The following FAM177A1 variants were observed in gnomAD, a reference collection of about 807,000 sequenced individuals.
The protein encoded by FAM177A1 is protein FAM177A1.
In FAM177A1, 22 loss-of-function variants were observed where a neutral mutation model predicts 26.1. The observed-to-expected ratio is 0.84, with a 90% CI of 0.60 to 1.20. The LOEUF (loss-of-function observed/expected upper bound fraction) is 1.20. FAM177A1 is among the 50% of genes most tolerant of loss of function. FAM177A1 has a pLI of 0.00. For missense variants in FAM177A1, 296 were observed against 291.1 expected, an observed-to-expected ratio of 1.02 and a Z score of -0.12; for synonymous variants, 95 against 99.3, an observed-to-expected ratio of 0.96 and a Z score of 0.26.
chr14:35,079,097 A>G (rs2045440907), intron 4 of FAM177A1, 73 bp downstream of exon 4: 3 of 1,131,772 alleles, frequency 2.7e-6, no homozygotes, highest in Admixed American at 5.8e-5. Context: ...TAATGAGCCT[A>G]TGTATTTTCT....
At chr14:35,078,344 T>A (rs2045428311) in intron 3 of FAM177A1, among the ~76,000 whole-genome samples, 1 of 152,124 alleles carries the variant, frequency 6.6e-6, no homozygotes, top group South Asian at 2.1e-4. Context: ...ATATCCCAGC[T>A]TTCTGAGTAT....
At position 35,081,459 on chromosome 14, in the gene FAM177A1, TA is replaced by T. The variant is rs1053183416; in HGVS notation, c.*235del. On this transcript the variant is annotated 3_prime_UTR_variant, in exon 5 of 5. Coordinates refer to ENST00000280987, the MANE Select transcript of FAM177A1 (RefSeq NM_173607.5). ...TGTATAGAAATTAGTGCTTTGGTTT[TA>T]AAATGATCTTTTAAAAAAGTTAAGG... is the stretch of plus-strand genomic sequence containing the variant. The T allele has an allele frequency of 8.7e-6, 3 of 344,480 alleles. No individual in the cohort carries two copies. Among genetic ancestry groups the T allele is most frequent in the African/African-American group, 6.4e-5 (3 of 46,838 alleles). The allele number at this position is 344,480 out of a possible 1,614,324, so 21.3% of individuals were successfully genotyped here.
intron 2 of FAM177A1, among the ~76,000 whole-genome samples, chr14:35,064,153 C>T (rs2045203866): frequency 6.7e-6 from 1 of 150,174 alleles, no homozygotes; most frequent in Non-Finnish European, 1.5e-5. Context: ...TTTGGGAGGC[C>T]AAGGTGGGCA....
At chr14:35,049,194 C>T (rs1422916392) in intron 1 of FAM177A1, among the ~76,000 whole-genome samples, 2 of 152,082 alleles carry the variant, frequency 1.3e-5, no homozygotes, top group Admixed American at 1.3e-4. Flanking sequence ...ACCCGGCCTC[C>T]TGTTGTGACA....
intron 2 of FAM177A1, among the ~76,000 whole-genome samples, chr14:35,061,068 G>A (rs539253832): frequency 1.3e-4 from 17 of 135,108 alleles, no homozygotes; most frequent in African/African-American, 4.9e-4. Context: ...TCATAGGCAT[G>A]TGTATATAGG....
rs2045478171 is a variant in FAM177A1 at position 35,081,183 on chromosome 14, A to G, written c.666A>G (p.Glu222=). ...NVNFEMEGDS[E]VIMESKQNPV... is the part of the protein sequence containing the mutation. ...ATTTTGAAATGGAGGGAGACAGTGA[A>G]GTAATTATGGAAAGCAAGCAAAATC... The change falls in exon 5 of 5, where the codon GAA becomes GAG. Residue 222 remains glutamate, a synonymous_variant. Transcript: ENST00000280987. 6.2e-7 allele frequency: 1 copy of G among 1,613,554 alleles called. No individual in the cohort carries two copies. Among genetic ancestry groups the G allele is most frequent in the Admixed American group, 1.7e-5 (1 of 59,952 alleles).
At chr14:35,067,028 G>A (rs1595049933) in intron 2 of FAM177A1, among the ~76,000 whole-genome samples, 1 of 152,266 alleles carries the variant, frequency 6.6e-6, no homozygotes, top group African/African-American at 2.4e-5. Context: ...CCAACCTCAG[G>A]TGATCTGCCC....
chr14:35,071,720 C>T (rs900247265), intron 2 of FAM177A1, among the ~76,000 whole-genome samples: 5 of 152,094 alleles, frequency 3.3e-5, no homozygotes, highest in Non-Finnish European at 7.3e-5. Context: ...CAATTATTCT[C>T]GCCAGAAACA....
intron 2 of FAM177A1, among the ~76,000 whole-genome samples, chr14:35,057,406 G>A (rs1030040979): frequency 6.0e-5 from 9 of 150,818 alleles, no homozygotes; most frequent in Non-Finnish European, 3.0e-5. Flanking sequence ...TTTTTGAGAC[G>A]GAGTCTCACT....
At chr14:35,054,011 A>G (rs8019182) in intron 2 of FAM177A1, among the ~76,000 whole-genome samples, 24,475 of 152,088 alleles carry the variant, frequency 0.16, 2,181 homozygotes, top group African/African-American at 0.22. Flanking sequence ...GATTTATCTT[A>G]CTAAATTGAG....
At chr14:35,056,326 C>T (rs1488712765) in intron 2 of FAM177A1, among the ~76,000 whole-genome samples, 1 of 151,906 alleles carries the variant, frequency 6.6e-6, no homozygotes, top group African/African-American at 2.4e-5. Context: ...TGAGCCACTG[C>T]GCCCAGGCAA....
chr14:35,057,908 G>A (rs918768377), intron 2 of FAM177A1, among the ~76,000 whole-genome samples: 1 of 152,040 alleles, frequency 6.6e-6, no homozygotes, highest in Non-Finnish European at 1.5e-5. Flanking sequence ...CAGGTGGTCT[G>A]TCTTAGAACG....
rs201117633 is a variant in FAM177A1 at position 35,052,763 on chromosome 14, G to GA, written c.166-506dup. Among the ~76,000 whole-genome samples the GA allele has an allele frequency of 4.6e-5, 7 of 151,194 alleles. No homozygotes were observed. In the East Asian group the frequency reaches 1.2e-3, roughly 25 times the overall value. ...AACATAGCCAGACACTGTCCCTATA[G>GA]AAAAAAAAATTAGCCAAGTGTGGTG... is the stretch of plus-strand genomic sequence containing the variant. On this transcript the variant is annotated intron_variant, in intron 1 of 4. Transcript: ENST00000280987.
intron 2 of FAM177A1, among the ~76,000 whole-genome samples, chr14:35,064,071 C>T (rs946321675): frequency 7.6e-5 from 11 of 144,758 alleles, no homozygotes; most frequent in African/African-American, 2.5e-4. Flanking sequence ...AAAAAAAAAT[C>T]CCTTTTGGTA....
At chr14:35,063,961 T>C (rs1388691758) in intron 2 of FAM177A1, among the ~76,000 whole-genome samples, 1 of 145,260 alleles carries the variant, frequency 6.9e-6, no homozygotes, top group Non-Finnish European at 1.5e-5. Flanking sequence ...GGCAGGAGAA[T>C]CGCTTGAATC....
chr14:35,046,129 A>C (rs957543613), upstream of FAM177A1: 2 of 201,016 alleles, frequency 9.9e-6, no homozygotes, highest in Non-Finnish European at 2.0e-5. Flanking sequence ...GCCAGGCTTC[A>C]GGTACACGTA....
At chr14:35,060,680 C>T (rs1482515923) in intron 2 of FAM177A1, among the ~76,000 whole-genome samples, 1 of 152,164 alleles carries the variant, frequency 6.6e-6, no homozygotes, top group Non-Finnish European at 1.5e-5. Flanking sequence ...TTCTTTCCTG[C>T]AAATTAGCTA....
intron 3 of FAM177A1, 73 bp from the exon 4 acceptor site, chr14:35,078,854 G>A: frequency 1.0e-6 from 1 of 1,003,458 alleles, no homozygotes; most frequent in Non-Finnish European, 1.4e-6. Context: ...TATTCCTACA[G>A]TGTCTTACAC....
rs2045494739 is a variant in FAM177A1 at position 35,082,226 on chromosome 14, T to C, written c.*998T>C. 6.6e-6 allele frequency: 1 copy of C among 152,078 alleles called. No homozygotes were observed. The highest frequency in any genetic ancestry group is 6.6e-5 in the Admixed American group (1 of 15,250). 9.4% of individuals were successfully genotyped at this position (152,078 alleles called of 1,614,324 possible). A position where few individuals can be genotyped will look rare whatever the true frequency, so the allele number is the denominator to read the frequency against. On this transcript the variant is annotated 3_prime_UTR_variant, in exon 5 of 5. Transcript: ENST00000280987. The stretch of plus-strand genomic sequence containing the variant: ...GTGAAGCTAATTTTGAAAATATTCC[T>C]AAATATGGCCAGGTACGGTGCTCAC...
Sources: gnomAD v4.1 joint callset for allele counts (sites outside exome capture counted in the v4.1 genomes callset) on GRCh38, gnomAD v4.1.1 for gene constraint, MANE v1.5 for transcripts, NCBI Gene and HGNC (gene_info 2026-07-23, HGNC 2026-07-21) for gene names.